Variants in GNG7 observed in about 807,000 individuals in gnomAD.
GNG7 encodes the protein guanine nucleotide-binding protein G(I)/G(S)/G(O) subunit gamma-7.
GNG7 carries 1 observed loss-of-function variant against 4.0 expected under a neutral mutation model. That is an observed-to-expected ratio of 0.25 (90% CI 0.09 to 1.18). GNG7 has a LOEUF of 1.18. Among genes scored for constraint, GNG7 ranks in the 50% most tolerant of loss-of-function variants. GNG7 has a pLI of 0.50. For synonymous variants in GNG7, 34 were observed against 36.9 expected, an observed-to-expected ratio of 0.92 and a Z score of 0.29; for missense variants, 86 against 91.9, an observed-to-expected ratio of 0.94 and a Z score of 0.26.
At chr19:2,664,413 G>C (rs1006992825) in intron 1 of GNG7, among the ~76,000 whole-genome samples, 5 of 152,188 alleles carry the variant, frequency 3.3e-5, no homozygotes, top group Admixed American at 3.3e-4. Context: ...CCGGGACTGG[G>C]GGAGTGACGT....
intron 3 of GNG7, among the ~76,000 whole-genome samples, chr19:2,532,549 G>C (rs1225228659): frequency 6.6e-6 from 1 of 152,046 alleles, no homozygotes. Context: ...GAATGAAGCA[G>C]GAACAATCTT....
chr19:2,671,007 G>C (rs1228595267), intron 1 of GNG7, among the ~76,000 whole-genome samples: 5 of 152,076 alleles, frequency 3.3e-5, no homozygotes, highest in Non-Finnish European at 5.9e-5. Context: ...GATTTTGGGA[G>C]TTTATTCTGG....
chr19:2,514,964 GA>G lies in GNG7; in HGVS notation c.*57del. ...TGATGCCCTGCCTGAGACAGAGACA[GA>G]GACAGAGAGAGAGAGAGAGAAAGAG... On this transcript the variant is annotated 3_prime_UTR_variant, in exon 5 of 5. Coordinates refer to ENST00000382159, the MANE Select transcript of GNG7 (RefSeq NM_052847.3). 1 of 1,366,024 alleles carries G rather than the reference GA, an allele frequency of 7.3e-7. No homozygotes were observed. Among genetic ancestry groups the G allele is most frequent in the Non-Finnish European group, 1.0e-6 (1 of 965,630 alleles). 84.6% of individuals were successfully genotyped at this position (1,366,024 alleles called of 1,614,324 possible).
chr19:2,595,994 A>G (rs1384842087), intron 2 of GNG7, among the ~76,000 whole-genome samples: 1 of 152,114 alleles, frequency 6.6e-6, no homozygotes, highest in African/African-American at 2.4e-5. Context: ...TCTACGCTGC[A>G]TGCTTGTTAC....
intron 2 of GNG7, among the ~76,000 whole-genome samples, chr19:2,567,681 C>T (rs534527190): frequency 5.8e-4 from 88 of 152,204 alleles, no homozygotes; most frequent in Non-Finnish European, 1.0e-3. Flanking sequence ...TGTGCTCCAG[C>T]GGCAGAGCTG....
At chr19:2,639,155 A>G (rs1175968312) in intron 2 of GNG7, among the ~76,000 whole-genome samples, 5 of 151,236 alleles carry the variant, frequency 3.3e-5, no homozygotes, top group Non-Finnish European at 7.4e-5. Flanking sequence ...AATCGCTTGA[A>G]CCCGGAAGGA....
intron 1 of GNG7, among the ~76,000 whole-genome samples, chr19:2,657,983 G>T (rs971345434): frequency 3.8e-4 from 57 of 151,962 alleles, no homozygotes; most frequent in African/African-American, 1.4e-3. Context: ...ACCTATCATT[G>T]GAGATGGCTC....
chr19:2,653,175 A>C lies in GNG7; in HGVS notation c.-134-6895T>G, dbSNP rs375800965. ...CTCACCCACAGTGTCGAAGGCATGC[A>C]TCTTCTAGGGTTATTAAGGTGCTGG... On this transcript the variant is annotated intron_variant, in intron 1 of 4. Transcript: ENST00000382159. The surrounding 1 kb of genome is among the most constrained non-coding windows in gnomAD (Gnocchi z 4.8). 6.6e-6 allele frequency among the ~76,000 whole-genome samples: 1 copy of C among 152,186 alleles called. No homozygotes were observed. Among genetic ancestry groups the C allele is most frequent in the East Asian group, 1.9e-4 (1 of 5,200 alleles).
rs533156546 is a variant in GNG7, at chr19:2,618,863, G to C, written c.-78+27361C>G. 6.6e-6 allele frequency among the ~76,000 whole-genome samples: 1 copy of C among 151,866 alleles called. No homozygotes were observed. On this transcript the variant is annotated intron_variant, in intron 2 of 4. Coordinates refer to ENST00000382159, the MANE Select transcript of GNG7 (RefSeq NM_052847.3). The surrounding 1 kb of genome is among the most constrained non-coding windows in gnomAD (Gnocchi z 5.1). ...CAGCTTCCCTCAGTTTTCCCCTCAC[G>C]ACCTTTCCTGCCCCATTGTGACCCC...
rs561905505 is a variant in GNG7 at position 2,561,013 on chromosome 19, T to C, written c.-77-5825A>G. Among the ~76,000 whole-genome samples, 11 of 151,050 alleles carry C rather than the reference T, an allele frequency of 7.3e-5. No individual in the cohort carries two copies. In the South Asian group the frequency reaches 1.9e-3, roughly 26 times the overall value. ...AGTTGAATGCAATTTCTGCTCACAG[T>C]AGGCATCAGAATAAGCTCCCGATGG... On this transcript the variant is annotated intron_variant, in intron 2 of 4. Transcript: ENST00000382159.
chr19:2,674,356 T>C (rs1203151480), intron 1 of GNG7, among the ~76,000 whole-genome samples: 1 of 152,186 alleles, frequency 6.6e-6, no homozygotes, highest in Non-Finnish European at 1.5e-5. Flanking sequence ...TACAATCCAC[T>C]CTTGAAGGGA....
intron 3 of GNG7, among the ~76,000 whole-genome samples, chr19:2,529,227 G>GT (rs539587867): frequency 6.6e-6 from 1 of 151,318 alleles, no homozygotes; most frequent in Non-Finnish European, 1.5e-5. Flanking sequence ...TTGTTTGTTT[G>GT]TTTTTTGGAG....
intron 3 of GNG7, among the ~76,000 whole-genome samples, chr19:2,542,915 G>C (rs1056086468): frequency 1.5e-5 from 1 of 66,250 alleles, no homozygotes; most frequent in Non-Finnish European, 3.3e-5. Flanking sequence ...TTTTTGTTTT[G>C]TTTTGTTTTG....
intron 3 of GNG7, among the ~76,000 whole-genome samples, chr19:2,549,587 C>T (rs111767888): frequency 1.1e-4 from 16 of 152,166 alleles, no homozygotes; most frequent in South Asian, 4.2e-4. Context: ...CCGCACTGGC[C>T]GGGGCTGTGT....
intron 3 of GNG7, among the ~76,000 whole-genome samples, chr19:2,539,366 C>T (rs951992808): frequency 6.0e-5 from 9 of 149,532 alleles, no homozygotes; most frequent in African/African-American, 7.4e-5. Context: ...AGTACAAAGG[C>T]GTGATCTCGG....
chr19:2,587,626 A>C (rs1037208667), intron 2 of GNG7, among the ~76,000 whole-genome samples: 2 of 151,910 alleles, frequency 1.3e-5, no homozygotes, highest in East Asian at 3.9e-4. Flanking sequence ...CTGCTGAGTC[A>C]CCCGGGCCTC....
chr19:2,556,920 G>A (rs1056215306), intron 2 of GNG7, among the ~76,000 whole-genome samples: 1 of 152,100 alleles, frequency 6.6e-6, no homozygotes, highest in Admixed American at 6.6e-5. Flanking sequence ...ACACTGCCCC[G>A]GGTCCCCTGG....
chr19:2,621,968 G>A (rs1489359315), intron 2 of GNG7, among the ~76,000 whole-genome samples: 1 of 152,118 alleles, frequency 6.6e-6, no homozygotes, highest in Non-Finnish European at 1.5e-5. Flanking sequence ...ACCTGTTATG[G>A]CAGCCACAAG....
chr19:2,640,742 C>T (rs1982483923), intron 2 of GNG7, among the ~76,000 whole-genome samples: 2 of 152,152 alleles, frequency 1.3e-5, no homozygotes, highest in African/African-American at 4.8e-5. Context: ...ATCCTCCTGC[C>T]TCAGCCTCCA....
Sources: gnomAD v4.1 joint callset for allele counts (sites outside exome capture counted in the v4.1 genomes callset) on GRCh38, gnomAD v4.1.1 for gene constraint, Gnocchi (gnomAD v3.1) non-coding constraint, MANE v1.5 for transcripts, NCBI Gene and HGNC (gene_info 2026-07-23, HGNC 2026-07-21) for gene names.